CADPS2: variants seen among roughly 807,000 people sequenced by gnomAD.
CADPS2 encodes the protein calcium dependent secretion activator 2.
CADPS2 carries 93 observed loss-of-function variants against 172.5 expected under a neutral mutation model. The ratio of observed to expected loss-of-function variants is 0.54; its 90% CI spans 0.46 to 0.64. The LOEUF (loss-of-function observed/expected upper bound fraction) is 0.64. Ranked by LOEUF, CADPS2 falls within the 30% of genes least tolerant of loss-of-function variation. CADPS2 has a pLI of 0.00. For synonymous variants in CADPS2, 546 were observed against 555.2 expected (o/e 0.98, Z 0.23); for missense variants, 1,420 against 1,565.9 (o/e 0.91, Z 1.57).
chr7:122,360,904 A>T, intron 26 of CADPS2, 26 bp downstream of exon 26: 1 of 1,609,740 alleles, frequency 6.2e-7, no homozygotes, highest in Non-Finnish European at 8.5e-7. Flanking sequence ...AAAAGACCAC[A>T]GAAGAGAACT....
chr7:122,587,085 T>C (rs1022307430), intron 6 of CADPS2, among the ~76,000 whole-genome samples: 1 of 152,002 alleles, frequency 6.6e-6, no homozygotes, highest in African/African-American at 2.4e-5. Context: ...ATTCTTATGA[T>C]TTTTCATGCT....
chr7:122,538,401 G>GT (rs2062558838), intron 8 of CADPS2, among the ~76,000 whole-genome samples: 1 of 132,336 alleles, frequency 7.6e-6, no homozygotes, highest in South Asian at 2.4e-4. Flanking sequence ...AGCTTAATTA[G>GT]TTTAAAAAAA....
chr7:122,550,157 G>T (rs1453020313), intron 8 of CADPS2, among the ~76,000 whole-genome samples: 1 of 152,166 alleles, frequency 6.6e-6, no homozygotes, highest in Non-Finnish European at 1.5e-5. Context: ...CAGCCGGTGT[G>T]GGGCTTGTCT....
intron 20 of CADPS2, among the ~76,000 whole-genome samples, chr7:122,397,593 T>C (rs906506272): frequency 1.3e-5 from 2 of 152,184 alleles, no homozygotes; most frequent in Non-Finnish European, 2.9e-5. Context: ...TATGTAAATG[T>C]ATGCTCCTTC....
At chr7:122,715,617 T>C (rs2089480932) in intron 2 of CADPS2, among the ~76,000 whole-genome samples, 1 of 152,066 alleles carries the variant, frequency 6.6e-6, no homozygotes, top group Non-Finnish European at 1.5e-5. Context: ...CGAAAGCTGC[T>C]TTCCTACGGA....
chr7:122,868,692 G>C (rs1818925130), intron 1 of CADPS2, among the ~76,000 whole-genome samples: 1 of 152,136 alleles, frequency 6.6e-6, no homozygotes, highest in Admixed American at 6.6e-5. Context: ...ACAGAAAGAT[G>C]TTCCAAATAA....
At chr7:122,466,517 G>C (rs2055157660) in intron 14 of CADPS2, among the ~76,000 whole-genome samples, 3 of 152,148 alleles carry the variant, frequency 2.0e-5, no homozygotes, top group Non-Finnish European at 4.4e-5. Flanking sequence ...GTGAGGCACT[G>C]ACTCAGTGCT....
intron 2 of CADPS2, among the ~76,000 whole-genome samples, chr7:122,686,451 T>C (rs1449214752): frequency 6.6e-6 from 1 of 152,164 alleles, no homozygotes; most frequent in African/African-American, 2.4e-5. Flanking sequence ...AACTATCTGA[T>C]CTAAGTGAGG....
At chr7:122,367,336 C>T (rs2041053610) in intron 25 of CADPS2, among the ~76,000 whole-genome samples, 1 of 151,156 alleles carries the variant, frequency 6.6e-6, no homozygotes, top group South Asian at 2.1e-4. Flanking sequence ...ATATCTGTAT[C>T]AATATAGTTG....
intron 8 of CADPS2, among the ~76,000 whole-genome samples, chr7:122,534,502 G>A (rs1419324086): frequency 6.6e-6 from 1 of 152,030 alleles, no homozygotes; most frequent in Non-Finnish European, 1.5e-5. Flanking sequence ...GTTATAAATT[G>A]AGATATTCAC....
chr7:122,338,378 AGT>A (rs1280544632), intron 28 of CADPS2, among the ~76,000 whole-genome samples: 1 of 152,162 alleles, frequency 6.6e-6, no homozygotes, highest in Non-Finnish European at 1.5e-5. Flanking sequence ...TGGGCTACAG[AGT>A]GAGACTCTGT....
intron 11 of CADPS2, among the ~76,000 whole-genome samples, chr7:122,481,622 C>T (rs1168474043): frequency 1.3e-5 from 2 of 151,840 alleles, no homozygotes; most frequent in African/African-American, 4.8e-5. Context: ...CACCTGTAAT[C>T]CCAGCTACTT....
chr7:122,565,102 A>G (rs1309695964), intron 7 of CADPS2, among the ~76,000 whole-genome samples: 1 of 152,084 alleles, frequency 6.6e-6, no homozygotes, highest in East Asian at 1.9e-4. Context: ...GAGGGTGAGC[A>G]CTGAAAAATT....
At chr7:122,671,663 G>C (rs928991377) in intron 2 of CADPS2, among the ~76,000 whole-genome samples, 1 of 152,212 alleles carries the variant, frequency 6.6e-6, no homozygotes, top group African/African-American at 2.4e-5. Context: ...ACTGCCCGGA[G>C]AGCAGGGCTC....
At position 122,886,205 on chromosome 7, in the gene CADPS2, G is replaced by C. The variant is rs1283424083; in HGVS notation, c.133C>G (p.Pro45Ala). 4 of 1,471,628 alleles carry C rather than the reference G, an allele frequency of 2.7e-6. No individual in the cohort carries two copies. In the Admixed American group the frequency reaches 1.2e-4, roughly 43 times the overall value. 91.2% of individuals were successfully genotyped at this position (1,471,628 alleles called of 1,614,324 possible). Residue 45 changes from proline to alanine, a missense_variant, in exon 1 of 30, where the codon CCG becomes GCG. Transcript: ENST00000449022. ...APTREGRRDAPGRAGGGGAAR... is the reference protein window; with the variant it reads ...APTREGRRDAAGRAGGGGAAR... ...GCGCCGCCGCCGCCCGCGCGCCCCG[G>C]CGCGTCCCGCCGCCCTTCCCGAGTC...
chr7:122,651,986 A>G (rs997846872), intron 3 of CADPS2, among the ~76,000 whole-genome samples: 16 of 152,164 alleles, frequency 1.1e-4, no homozygotes, highest in African/African-American at 3.9e-4. Context: ...ATACTCCAGT[A>G]GTCAACGATG....
At position 122,407,707 on chromosome 7, in the gene CADPS2, A is replaced by AT. The variant is rs748769453; in HGVS notation, c.2590-12dup. On this transcript the variant is annotated splice_polypyrimidine_tract_variant and intron_variant, in intron 19 of 29. Transcript: ENST00000449022. ...CCACCAGGCAAATGCCTACAAAAGG[A>AT]TAAAAACATAAAGGAGAAAAGTAGA... 1 of 1,597,146 alleles carries AT rather than the reference A, an allele frequency of 6.3e-7. No homozygotes were observed. Among genetic ancestry groups the AT allele is most frequent in the East Asian group, 2.2e-5 (1 of 44,584 alleles).
chr7:122,884,180 A>C (rs2141828462), intron 1 of CADPS2, among the ~76,000 whole-genome samples: 1 of 152,366 alleles, frequency 6.6e-6, no homozygotes, highest in South Asian at 2.1e-4. Flanking sequence ...TAATCATTAA[A>C]AATAGGCTTA....
chr7:122,573,762 T>A (rs2132598043), intron 7 of CADPS2, among the ~76,000 whole-genome samples: 1 of 152,270 alleles, frequency 6.6e-6, no homozygotes, highest in African/African-American at 2.4e-5. Flanking sequence ...GATAGTACCC[T>A]AAGAAGATTC....
Sources: gnomAD v4.1 joint callset for allele counts (sites outside exome capture counted in the v4.1 genomes callset) on GRCh38, gnomAD v4.1.1 for gene constraint, MANE v1.5 for transcripts, NCBI Gene and HGNC (gene_info 2026-07-23, HGNC 2026-07-21) for gene names.